TG: variants seen among roughly 807,000 people sequenced by gnomAD.
TG encodes thyroid hormones.
TG carries 270 observed loss-of-function variants against 324.7 expected under a neutral mutation model. The ratio of observed to expected loss-of-function variants is 0.83; its 90% CI spans 0.75 to 0.92. The LOEUF (loss-of-function observed/expected upper bound fraction) is 0.92. TG is among the 40% of genes least tolerant of loss of function. The pLI is 0.00. For synonymous variants in TG, 1,401 were observed against 1,327.0 expected (o/e 1.06, Z -1.21); for missense variants, 3,591 against 3,456.4 (o/e 1.04, Z -0.98).
At chr8:132,968,615 C>G (rs754279932) in intron 31 of TG, among the ~76,000 whole-genome samples, 1 of 152,174 alleles carries the variant, frequency 6.6e-6, no homozygotes, top group South Asian at 2.1e-4. Flanking sequence ...TTTTTCCACT[C>G]GAATGTCAAA....
chr8:133,068,438 C>A lies in TG; in HGVS notation c.7240-26606C>A, dbSNP rs534066654. ...ACATTTTAAGGTCATTTTAAGATAT[C>A]ATGGAAAGAAGCCAGATTTGAGGCC... On this transcript the variant is annotated intron_variant, in intron 41 of 47. Coordinates refer to ENST00000220616, the MANE Select transcript of TG (RefSeq NM_003235.5). Among the ~76,000 whole-genome samples the A allele has an allele frequency of 7.9e-5, 12 of 152,330 alleles. No homozygotes were observed. In the South Asian group the frequency reaches 2.5e-3, roughly 32 times the overall value.
chr8:132,994,855 T>C (rs1832721270), intron 35 of TG: 7 of 1,261,978 alleles, frequency 5.5e-6, no homozygotes, highest in Non-Finnish European at 7.2e-6. Flanking sequence ...ATGGAAAGCA[T>C]TGGTTATCTT....
chr8:132,898,285 T>C, intron 13 of TG, 39 bp downstream of exon 13: 12 of 1,548,468 alleles, frequency 7.7e-6, no homozygotes, highest in Non-Finnish European at 1.1e-5. Context: ...TGACCCCCCT[T>C]GGTGGGCATC....
intron 5 of TG, among the ~76,000 whole-genome samples, chr8:132,874,780 C>T (rs1029753861): frequency 1.3e-5 from 2 of 152,184 alleles, no homozygotes; most frequent in African/African-American, 4.8e-5. Flanking sequence ...ACCTAAAACA[C>T]ACAATTCTGA....
intron 34 of TG, among the ~76,000 whole-genome samples, chr8:132,977,475 T>G (rs777730365): frequency 6.6e-6 from 1 of 152,270 alleles, no homozygotes; most frequent in Non-Finnish European, 1.5e-5. Flanking sequence ...TCCATTTTCA[T>G]GCTGCTGATA....
intron 41 of TG, among the ~76,000 whole-genome samples, chr8:133,058,221 C>G (rs1255812853): frequency 1.3e-5 from 2 of 152,074 alleles, no homozygotes; most frequent in African/African-American, 4.8e-5. Flanking sequence ...ACGTTAGGAC[C>G]AATGATCGGG....
intron 32 of TG, among the ~76,000 whole-genome samples, chr8:132,971,450 C>T (rs547515807): frequency 1.3e-5 from 2 of 152,238 alleles, no homozygotes; most frequent in East Asian, 3.9e-4. Flanking sequence ...AAGCTGAGAC[C>T]TTCTGCTTAC....
At chr8:132,931,538 A>T (rs923623587) in intron 23 of TG, among the ~76,000 whole-genome samples, 1 of 152,166 alleles carries the variant, frequency 6.6e-6, no homozygotes, top group African/African-American at 2.4e-5. Context: ...CATGATCAGG[A>T]ATAGGAGAGA....
At chr8:132,873,444 T>C (rs1258467641) in intron 5 of TG, among the ~76,000 whole-genome samples, 1 of 152,238 alleles carries the variant, frequency 6.6e-6, no homozygotes, top group Non-Finnish European at 1.5e-5. Flanking sequence ...CTCTGGCCAA[T>C]GAAATGTAAA....
intron 34 of TG, among the ~76,000 whole-genome samples, chr8:132,975,299 G>A (rs1232103928): frequency 6.6e-6 from 1 of 152,050 alleles, no homozygotes; most frequent in Non-Finnish European, 1.5e-5. Flanking sequence ...GGAAGAATCG[G>A]GTAAAAAGAA....
rs1286926546 is a variant in TG, at chr8:132,893,870, C to CT, written c.2945dup (p.Ala983ArgfsTer9). 1 of 1,613,946 alleles carries CT rather than the reference C, an allele frequency of 6.2e-7. No homozygotes were observed. Among genetic ancestry groups the CT allele is most frequent in the African/African-American group, 1.3e-5 (1 of 74,886 alleles). On this transcript the variant is annotated frameshift_variant, in exon 11 of 48. Coordinates refer to ENST00000220616, the MANE Select transcript of TG (RefSeq NM_003235.5). LOFTEE classifies it high-confidence loss of function. ...CCTCCGCTCTTCCCGCCCCGGGAGG[C>CT]TTTCGCGGAGCAGTTTCTGCGTGGG... is the stretch of plus-strand genomic sequence containing the variant.
At chr8:133,084,919 G>T (rs1402468136) in intron 41 of TG, among the ~76,000 whole-genome samples, 1 of 152,232 alleles carries the variant, frequency 6.6e-6, no homozygotes, top group African/African-American at 2.4e-5. Context: ...CATGGCTTTG[G>T]AGAAAAATGG....
At chr8:132,869,165 C>G (rs1839242635) in intron 2 of TG, among the ~76,000 whole-genome samples, 1 of 152,196 alleles carries the variant, frequency 6.6e-6, no homozygotes, top group South Asian at 2.1e-4. Flanking sequence ...AACCTGGCCT[C>G]TCTTCAGGAG....
intron 41 of TG, chr8:133,059,978 T>C (rs566125554): frequency 1.1e-5 from 11 of 959,046 alleles, no homozygotes; most frequent in African/African-American, 8.5e-5. Context: ...GAGACAGATA[T>C]AATGAGCCCT....
At chr8:132,920,695 A>G (rs1015678120) in intron 21 of TG, among the ~76,000 whole-genome samples, 3 of 152,244 alleles carry the variant, frequency 2.0e-5, no homozygotes, top group African/African-American at 7.2e-5. Context: ...TATGACAGAA[A>G]TGGCAGGAAT....
At chr8:133,086,463 C>T (rs564464727) in intron 41 of TG, among the ~76,000 whole-genome samples, 54 of 152,140 alleles carry the variant, frequency 3.5e-4, no homozygotes, top group Non-Finnish European at 5.6e-4. Context: ...TTCTTTAATA[C>T]GGATGTTCAT....
intron 28 of TG, among the ~76,000 whole-genome samples, chr8:132,962,583 T>A (rs2256252): frequency 0.4 from 61,065 of 152,124 alleles, 14,962 homozygotes; most frequent in Admixed American, 0.52. Context: ...GAACATTTAG[T>A]TAAATTGTTA....
chr8:133,032,968 G>A (rs924326683), intron 41 of TG, among the ~76,000 whole-genome samples: 1 of 152,188 alleles, frequency 6.6e-6, no homozygotes, highest in Non-Finnish European at 1.5e-5. Flanking sequence ...CACACAGCAA[G>A]GAAGAAGCTG....
At chr8:132,991,116 G>A (rs984553453) in intron 35 of TG, among the ~76,000 whole-genome samples, 2 of 151,766 alleles carry the variant, frequency 1.3e-5, no homozygotes, top group East Asian at 1.9e-4. Context: ...TCATTACCAT[G>A]AGCTGCCCTG....
Sources: gnomAD v4.1 joint callset for allele counts (sites outside exome capture counted in the v4.1 genomes callset) on GRCh38, gnomAD v4.1.1 for gene constraint, MANE v1.5 for transcripts, NCBI Gene and HGNC (gene_info 2026-07-23, HGNC 2026-07-21) for gene names.